BBX: variants seen among roughly 807,000 people sequenced by gnomAD.
BBX encodes the protein BBX high mobility group box domain containing.
Under a neutral mutation model 100.2 loss-of-function variants are expected in BBX, and 30 were observed. That is an observed-to-expected ratio of 0.30 (90% CI 0.22 to 0.41). BBX has a LOEUF of 0.41. Ranked by LOEUF, BBX falls within the 10% of genes least tolerant of loss-of-function variation. The probability of loss-of-function intolerance (pLI) is 1.00; values close to 1 mark genes in which losing one functional copy is unlikely to be tolerated. For missense variants in BBX, 1,023 were observed against 1,129.8 expected (o/e 0.91, Z 1.35); for synonymous variants, 376 against 388.1 (o/e 0.97, Z 0.37).
At chr3:107,755,957 C>T (rs62262032) in intron 10 of BBX, among the ~76,000 whole-genome samples, 17,764 of 152,108 alleles carry the variant, frequency 0.12, 1,372 homozygotes, top group Non-Finnish European at 0.17. Flanking sequence ...TAAGTCCAGC[C>T]TGAACACAGA....
At chr3:107,622,786 C>T (rs1306211797) in intron 2 of BBX, among the ~76,000 whole-genome samples, 1 of 152,152 alleles carries the variant, frequency 6.6e-6, no homozygotes, top group Non-Finnish European at 1.5e-5. Context: ...TTTTTTTACA[C>T]ATCCTGTGGA....
intron 2 of BBX, among the ~76,000 whole-genome samples, chr3:107,602,472 G>C (rs943442794): frequency 6.6e-6 from 1 of 152,138 alleles, no homozygotes; most frequent in African/African-American, 2.4e-5. Flanking sequence ...CTCAGCACTT[G>C]GGAGGCCAAG....
intron 10 of BBX, among the ~76,000 whole-genome samples, chr3:107,758,354 G>A (rs2065646369): frequency 6.6e-6 from 1 of 152,150 alleles, no homozygotes; most frequent in Admixed American, 6.5e-5. Flanking sequence ...ATGGCCCGCT[G>A]TACTTTGGGC....
rs777211381 is a variant in BBX, at chr3:107,778,407, C to T, written c.2091C>T (p.Phe697=). The T allele has an allele frequency of 6.2e-7, 1 of 1,613,334 alleles. No homozygotes were observed. Among genetic ancestry groups the T allele is most frequent in the South Asian group, 1.1e-5 (1 of 91,064 alleles). Reference sequence around the variant, plus strand: ...TGGATGAAGAATTTGAAAAAAAATTCAACAGCCTCCCTCAATATAGTCCTG... The same window carrying T: ...TGGATGAAGAATTTGAAAAAAAATTTAACAGCCTCCCTCAATATAGTCCTG... ...AKLDEEFEKK[F]NSLPQYSPVT... is the part of the protein sequence containing the mutation. The change falls in exon 13 of 18, where the codon TTC becomes TTT. Residue 697 remains phenylalanine, a synonymous_variant. Transcript: ENST00000325805.
chr3:107,570,020 C>T (rs1232654540), intron 2 of BBX, among the ~76,000 whole-genome samples: 2 of 152,138 alleles, frequency 1.3e-5, no homozygotes, highest in Non-Finnish European at 2.9e-5. Flanking sequence ...AGTGGGGTCC[C>T]GTACAGATAG....
chr3:107,623,855 A>G (rs1225885016), intron 2 of BBX, among the ~76,000 whole-genome samples: 3 of 152,200 alleles, frequency 2.0e-5, no homozygotes, highest in Non-Finnish European at 2.9e-5. Context: ...GTATTCATAA[A>G]TATAAGAATG....
intron 5 of BBX, among the ~76,000 whole-genome samples, chr3:107,726,584 C>T (rs2062957946): frequency 6.6e-6 from 1 of 151,950 alleles, no homozygotes; most frequent in Admixed American, 6.6e-5. Context: ...TTATTGTTTT[C>T]CATAAAACCC....
chr3:107,720,658 A>G (rs760103932), intron 5 of BBX, among the ~76,000 whole-genome samples: 1 of 152,042 alleles, frequency 6.6e-6, no homozygotes, highest in Non-Finnish European at 1.5e-5. Context: ...ATTAAATGTA[A>G]TAAAATGCAA....
At chr3:107,664,439 C>G (rs2058636114) in intron 3 of BBX, among the ~76,000 whole-genome samples, 1 of 152,186 alleles carries the variant, frequency 6.6e-6, no homozygotes, top group Non-Finnish European at 1.5e-5. Context: ...ATGAATGTGA[C>G]TATATCCGAG....
intron 2 of BBX, among the ~76,000 whole-genome samples, chr3:107,581,614 T>A (rs1441961056): frequency 1.3e-5 from 2 of 152,162 alleles, no homozygotes; most frequent in Non-Finnish European, 2.9e-5. Flanking sequence ...ACTGGTCTTC[T>A]GTGCTGTGGG....
chr3:107,647,514 C>T (rs565944268), intron 3 of BBX, among the ~76,000 whole-genome samples: 3 of 152,176 alleles, frequency 2.0e-5, no homozygotes, highest in African/African-American at 7.2e-5. Flanking sequence ...TAAAATGGAA[C>T]CTTAATTGCA....
chr3:107,525,782 C>G (rs1460016383), intron 1 of BBX, among the ~76,000 whole-genome samples: 4 of 152,178 alleles, frequency 2.6e-5, no homozygotes, highest in African/African-American at 9.7e-5. Context: ...GTTCCTATCT[C>G]CAATCTGGGG....
At chr3:107,699,654 G>C (rs2060901383) in intron 3 of BBX, among the ~76,000 whole-genome samples, 1 of 151,868 alleles carries the variant, frequency 6.6e-6, no homozygotes, top group African/African-American at 2.4e-5. Context: ...ATGTCAGGGT[G>C]AACAGCTGAT....
chr3:107,598,360 G>A (rs540909628), intron 2 of BBX, among the ~76,000 whole-genome samples: 124 of 152,234 alleles, frequency 8.1e-4, no homozygotes, highest in African/African-American at 2.8e-3. Context: ...TTCTCTGTAA[G>A]TTTTCCAGAT....
At chr3:107,523,242 G>A in intron 1 of BBX, 135 bp downstream of exon 1, 2 of 224,836 alleles carry the variant, frequency 8.9e-6, no homozygotes, top group African/African-American at 2.4e-5. Flanking sequence ...CGGCGGCGGC[G>A]GCGGCAGCCG....
chr3:107,569,243 T>G (rs2051162484), intron 2 of BBX, among the ~76,000 whole-genome samples: 1 of 152,242 alleles, frequency 6.6e-6, no homozygotes, highest in African/African-American at 2.4e-5. Context: ...ACTGAACTTG[T>G]TGAAATTAAT....
At chr3:107,559,986 C>T (rs748096207) in intron 2 of BBX, among the ~76,000 whole-genome samples, 1 of 152,112 alleles carries the variant, frequency 6.6e-6, no homozygotes, top group Non-Finnish European at 1.5e-5. Context: ...TCAAGCAATC[C>T]ACCCACCTTG....
At chr3:107,789,175 A>G (rs1576818782) in intron 13 of BBX, among the ~76,000 whole-genome samples, 3 of 151,936 alleles carry the variant, frequency 2.0e-5, no homozygotes, top group African/African-American at 7.2e-5. Flanking sequence ...CTGATTGTTC[A>G]CTGAAAAAAA....
At position 107,640,960 on chromosome 3, in the gene BBX, G is replaced by T. The variant is rs188265085; in HGVS notation, c.-83-4876G>T. Among the ~76,000 whole-genome samples, 873 of 152,258 alleles carry T rather than the reference G, an allele frequency of 5.7e-3. 5 individuals carry two copies. The highest frequency in any genetic ancestry group is 8.7e-3 in the Non-Finnish European group (590 of 68,032). ...TAACAGGCATGAGCCAGCGCACCCG[G>T]TCTGTTAATAGTTTTTGCAGTGTTA... On this transcript the variant is annotated intron_variant, in intron 2 of 17. Transcript: ENST00000325805.
Sources: allele counts gnomAD v4.1 joint callset (sites outside exome capture counted in the v4.1 genomes callset), GRCh38; gene constraint gnomAD v4.1.1; transcripts MANE v1.5; gene names NCBI Gene and HGNC (gene_info 2026-07-23, HGNC 2026-07-21).